SMARCD3: variants seen among roughly 807,000 people sequenced by gnomAD.
SMARCD3 encodes the protein SWI/SNF related BAF chromatin remodeling complex subunit D3.
SMARCD3 carries 14 observed loss-of-function variants against 58.0 expected under a neutral mutation model. The ratio of observed to expected loss-of-function variants is 0.24; its 90% CI spans 0.16 to 0.38. The LOEUF is 0.38. SMARCD3 is among the 10% of genes least tolerant of loss of function. The probability of loss-of-function intolerance (pLI) is 1.00; values close to 1 mark genes in which losing one functional copy is unlikely to be tolerated. For synonymous variants in SMARCD3, 253 were observed against 253.8 expected (o/e 1.00, Z 0.03); for missense variants, 408 against 636.9 (o/e 0.64, Z 3.87).
chr7:151,266,616 A>G (rs1462258146), intron 2 of SMARCD3, among the ~76,000 whole-genome samples: 1 of 152,178 alleles, frequency 6.6e-6, no homozygotes, highest in Non-Finnish European at 1.5e-5. Flanking sequence ...GTCTTTCTTC[A>G]ATTCTTAGCA....
intron 2 of SMARCD3, among the ~76,000 whole-genome samples, chr7:151,274,398 C>T (rs979817295): frequency 2.6e-5 from 4 of 152,224 alleles, no homozygotes; most frequent in Admixed American, 1.3e-4. Context: ...GGGACTGATG[C>T]GGACAAATGC....
intron 2 of SMARCD3, among the ~76,000 whole-genome samples, chr7:151,269,393 C>T (rs1410874608): frequency 2.6e-5 from 4 of 152,230 alleles, no homozygotes; most frequent in Non-Finnish European, 5.9e-5. Context: ...CACCCTGAGC[C>T]ATCTCCAGGG....
chr7:151,242,525 T>C lies in SMARCD3; in HGVS notation c.535A>G (p.Ile179Val). ...KPDAEDSDGS[I>V]ASWELRVEGK... is the part of the protein sequence containing the mutation. Reference sequence around the variant, plus strand: ...TCCACCCGTAGCTCCCAGGAGGCAATGCTGCCGTCGGAATCCTCAGCATCA... The same window carrying C: ...TCCACCCGTAGCTCCCAGGAGGCAACGCTGCCGTCGGAATCCTCAGCATCA... The change falls in exon 5 of 13, where the codon ATT becomes GTT. Residue 179 changes from isoleucine (I) to valine (V), a missense_variant. Physicochemically the swap from Ile to Val is conservative, Grantham distance 29. This residue lies in a region of SMARCD3 where 128 missense variants were observed against 188.8 expected (regional missense o/e 0.68). Coordinates refer to ENST00000262188, the MANE Select transcript of SMARCD3 (RefSeq NM_001003801.2). The surrounding 1 kb of genome is among the most constrained non-coding windows in gnomAD (Gnocchi z 4.7). 1.2e-6 allele frequency: 2 copies of C among 1,614,144 alleles called. No homozygotes were observed. The highest frequency in any genetic ancestry group is 1.7e-6 in the Non-Finnish European group (2 of 1,180,020).
At position 151,241,272 on chromosome 7, in the gene SMARCD3, TG is replaced by T. The variant is rs1000723609; in HGVS notation, c.939+219del. 5.8e-5 allele frequency: 34 copies of T among 588,194 alleles called. No individual in the cohort carries two copies. Among genetic ancestry groups the T allele is most frequent in the Non-Finnish European group, 9.6e-5 (31 of 324,418 alleles). The allele number at this position is 588,194 out of a possible 1,614,324, so 36.4% of individuals were successfully genotyped here. A position where few individuals can be genotyped will look rare whatever the true frequency, so the allele number is the denominator to read the frequency against. Reference sequence around the variant, plus strand: ...GTAGGGTTTCCAGGTCTTCCTAACTTGGGGGGGCTAACATGGATTGGCTGCA... The same window carrying T: ...GTAGGGTTTCCAGGTCTTCCTAACTTGGGGGGCTAACATGGATTGGCTGCA... On this transcript the variant is annotated intron_variant, in intron 8 of 12. Coordinates refer to ENST00000262188, the MANE Select transcript of SMARCD3 (RefSeq NM_001003801.2). The surrounding 1 kb of genome is among the most constrained non-coding windows in gnomAD (Gnocchi z 5.3).
chr7:151,270,143 A>C (rs556214241), intron 2 of SMARCD3, among the ~76,000 whole-genome samples: 3 of 152,174 alleles, frequency 2.0e-5, no homozygotes, highest in Non-Finnish European at 2.9e-5. Flanking sequence ...TCCAAAAGGC[A>C]AACCCAAGGT....
At chr7:151,271,980 T>C (rs769412899) in intron 2 of SMARCD3, among the ~76,000 whole-genome samples, 2 of 152,160 alleles carry the variant, frequency 1.3e-5, no homozygotes, top group Non-Finnish European at 2.9e-5. Context: ...AAAGAGGGTA[T>C]TTCCTGAAGG....
Position 151,243,728 on chromosome 7 carries a change from G to C in SMARCD3, c.291-27C>G. 4 of 1,566,626 alleles carry C rather than the reference G, an allele frequency of 2.6e-6. No individual in the cohort carries two copies. Among genetic ancestry groups the C allele is most frequent in the Non-Finnish European group, 2.6e-6 (3 of 1,136,700 alleles). On this transcript the variant is annotated intron_variant, in intron 2 of 12. Transcript: ENST00000262188. This position sits in a 1 kb window ranked among gnomAD's most constrained non-coding sequence, Gnocchi z 4.4. ...TGTACATTTTTTAAAGAAAAAACCAGGTTACCATGGCGACAGATCTGGGCG... is the reference window on the plus strand; with the variant it reads ...TGTACATTTTTTAAAGAAAAAACCACGTTACCATGGCGACAGATCTGGGCG...
Position 151,241,902 on chromosome 7 carries a change from G to A in SMARCD3, c.752C>T (p.Thr251Met), listed in dbSNP as rs758236448. 3.7e-6 allele frequency: 6 copies of A among 1,611,828 alleles called. No individual in the cohort carries two copies. Among genetic ancestry groups the A allele is most frequent in the East Asian group, 2.2e-5 (1 of 44,782 alleles). Residue 251 changes from threonine (T) to methionine (M), a missense_variant, in exon 7 of 13, where the codon ACG (threonine) becomes ATG (methionine). Thr to Met is a moderately conservative substitution (Grantham distance 81). Transcript: ENST00000262188. This position sits in a 1 kb window ranked among gnomAD's most constrained non-coding sequence, Gnocchi z 5.3. ...CTGGTAGTCCAGCATGAGGAGCAGC[G>A]TGCAGCGCACACTCAGGTCCCCAGG... ...KRPGDLSVRC[T>M]LLLMLDYQPP...
At chr7:151,240,841 CTA>C (rs1802951661) in intron 8 of SMARCD3, 2 of 352,540 alleles carry the variant, frequency 5.7e-6, no homozygotes, top group African/African-American at 4.2e-5. Context: ...GTCTTCATCT[CTA>C]GAGTGGGGAT....
upstream of SMARCD3, among the ~76,000 whole-genome samples, chr7:151,251,323 C>T (rs1803501784): frequency 6.6e-6 from 1 of 152,212 alleles, no homozygotes; most frequent in Non-Finnish European, 1.5e-5. Flanking sequence ...TCCCAACACA[C>T]ACACAGCAGG....
intron 2 of SMARCD3, among the ~76,000 whole-genome samples, chr7:151,261,583 G>C (rs1803918765): frequency 6.6e-6 from 1 of 152,186 alleles, no homozygotes; most frequent in African/African-American, 2.4e-5. Context: ...CCTGGCACAG[G>C]GTCAACACTT....
At chr7:151,251,811 G>A (rs932179570), upstream of SMARCD3, among the ~76,000 whole-genome samples, 3 of 151,262 alleles carry the variant, frequency 2.0e-5, no homozygotes, top group African/African-American at 7.3e-5. Context: ...GCAAAGCGCC[G>A]CTCCCCGCGC....
intron 1 of SMARCD3, among the ~76,000 whole-genome samples, chr7:151,276,401 G>T (rs1429248718): frequency 1.4e-5 from 2 of 144,610 alleles, no homozygotes; most frequent in Non-Finnish European, 3.1e-5. Context: ...GGAGGTGACA[G>T]GCAATGGGAG....
chr7:151,251,928 G>A (rs1584880948), upstream of SMARCD3, among the ~76,000 whole-genome samples: 1 of 147,144 alleles, frequency 6.8e-6, no homozygotes, highest in Non-Finnish European at 1.5e-5. Flanking sequence ...GGGCCGGCCC[G>A]GCCCGCGCCG....
Position 151,239,546 on chromosome 7 carries a change from C to T in SMARCD3, c.1297-49G>A. 1.2e-6 allele frequency: 2 copies of T among 1,608,588 alleles called. No homozygotes were observed. Among genetic ancestry groups the T allele is most frequent in the Non-Finnish European group, 1.7e-6 (2 of 1,175,310 alleles). On this transcript the variant is annotated intron_variant, in intron 11 of 12. Transcript: ENST00000262188. This position sits in a 1 kb window ranked among gnomAD's most constrained non-coding sequence, Gnocchi z 7.0. ...CCTGAGCCCTGAATCCCCTCACCTG[C>T]CCCTGGAGTACAACGTTTACTCTCT...
At chr7:151,266,432 TATTA>T (rs1261913974) in intron 2 of SMARCD3, among the ~76,000 whole-genome samples, 1 of 152,212 alleles carries the variant, frequency 6.6e-6, no homozygotes, top group Non-Finnish European at 1.5e-5. Flanking sequence ...AGCTTTTGAA[TATTA>T]ATTCTGTTAT....
chr7:151,264,572 G>A (rs1804022645), intron 2 of SMARCD3, among the ~76,000 whole-genome samples: 1 of 152,186 alleles, frequency 6.6e-6, no homozygotes, highest in Non-Finnish European at 1.5e-5. Flanking sequence ...GGAACTGTGG[G>A]AGTTCCTCTG....
At chr7:151,249,403 G>C (rs1803435044), upstream of SMARCD3, 1 of 152,254 alleles carries the variant, frequency 6.6e-6, no homozygotes. This position sits in a 1 kb window ranked among gnomAD's most constrained non-coding sequence, Gnocchi z 4.8. Context: ...GTGCGCGCGC[G>C]CCTGCGTGTG....
Position 151,248,662 on chromosome 7 carries a change from C to A in SMARCD3, c.-100G>T. ...CTCCAACTCTCCCCTCTGAGTCCTG[C>A]TGGGCTCTCTCACACTTCTACTCGA... On this transcript the variant is annotated 5_prime_UTR_variant, in exon 1 of 13. Transcript: ENST00000262188. The surrounding 1 kb of genome is among the most constrained non-coding windows in gnomAD (Gnocchi z 6.1). The A allele has an allele frequency of 6.5e-7, 1 of 1,544,712 alleles. No homozygotes were observed. Among genetic ancestry groups the A allele is most frequent in the Non-Finnish European group, 8.8e-7 (1 of 1,142,318 alleles).
Sources: gnomAD v4.1 joint callset for allele counts (sites outside exome capture counted in the v4.1 genomes callset) on GRCh38, gnomAD v4.1.1 for gene constraint, gnomAD v4.1.1 regional missense constraint, Gnocchi (gnomAD v3.1) non-coding constraint, MANE v1.5 for transcripts, NCBI Gene and HGNC (gene_info 2026-07-23, HGNC 2026-07-21) for gene names.